Variants in NCMAP observed in about 807,000 individuals in gnomAD.
NCMAP encodes non-compact myelin associated protein.
In NCMAP, 8 loss-of-function variants were observed where a neutral mutation model predicts 7.8. The observed-to-expected ratio is 1.02, with a 90% confidence interval of 0.60 to 1.84. NCMAP has a LOEUF of 1.84. Ranked by LOEUF, NCMAP falls within the 40% of genes most tolerant of loss-of-function variation. The probability of loss-of-function intolerance (pLI) is 0.00; values close to 1 mark genes in which losing one functional copy is unlikely to be tolerated. For synonymous variants in NCMAP, 41 were observed against 52.9 expected (o/e 0.78, Z 0.98); for missense variants, 112 against 131.4 (o/e 0.85, Z 0.72).
At chr1:24,577,181 A>C (rs1651586985) in intron 1 of NCMAP, among the ~76,000 whole-genome samples, 1 of 152,150 alleles carries the variant, frequency 6.6e-6, no homozygotes, top group Non-Finnish European at 1.5e-5. Flanking sequence ...AGGATGTCAC[A>C]TGCTAAAATT....
chr1:24,585,305 A>G (rs1651851326), intron 1 of NCMAP, among the ~76,000 whole-genome samples: 1 of 152,124 alleles, frequency 6.6e-6, no homozygotes, highest in African/African-American at 2.4e-5. Flanking sequence ...TTGGAAGTTC[A>G]TTCCCGGGTT....
chr1:24,605,994 G>C lies in NCMAP; in HGVS notation c.*247G>C. The C allele has an allele frequency of 2.1e-6, 1 of 485,064 alleles. No individual in the cohort carries two copies. Among genetic ancestry groups the C allele is most frequent in the South Asian group, 2.9e-5 (1 of 34,434 alleles). 30.0% of individuals were successfully genotyped at this position (485,064 alleles called of 1,614,324 possible). A position where few individuals can be genotyped will look rare whatever the true frequency, so the allele number is the denominator to read the frequency against. ...GAACATTCTTTTGTCATCTGATGAGGTAGAGCTATGTTGGGAATCCACCAA... is the reference window on the plus strand; with the variant it reads ...GAACATTCTTTTGTCATCTGATGAGCTAGAGCTATGTTGGGAATCCACCAA... On this transcript the variant is annotated 3_prime_UTR_variant, in exon 4 of 4. Coordinates refer to ENST00000374392, the MANE Select transcript of NCMAP (RefSeq NM_001010980.5).
chr1:24,581,396 C>A (rs1258391445), intron 1 of NCMAP, among the ~76,000 whole-genome samples: 2 of 152,350 alleles, frequency 1.3e-5, no homozygotes, highest in East Asian at 3.9e-4. Flanking sequence ...GGATTACAGG[C>A]ATGAGCCACT....
intron 3 of NCMAP, among the ~76,000 whole-genome samples, chr1:24,604,590 AAAAAAAAAAAAAAAAATATAT>A (rs1652624212): frequency 6.5e-5 from 4 of 61,476 alleles, no homozygotes; most frequent in African/African-American, 2.0e-4. Context: ...AAAAAAAAAA[AAAAAAAAAAAAAAAAATATAT>A]ATATATATAT....
At chr1:24,591,653 A>G (rs1652052315) in intron 1 of NCMAP, among the ~76,000 whole-genome samples, 1 of 152,174 alleles carries the variant, frequency 6.6e-6, no homozygotes, top group Non-Finnish European at 1.5e-5. Context: ...GTTGGGAGAC[A>G]GGAAGCCCAG....
intron 1 of NCMAP, among the ~76,000 whole-genome samples, chr1:24,564,128 G>A (rs1402315879): frequency 6.6e-6 from 1 of 152,148 alleles, no homozygotes; most frequent in Admixed American, 6.6e-5. Context: ...GGATACAACT[G>A]AAGAATTTGC....
chr1:24,578,163 G>T (rs895655857), intron 1 of NCMAP, among the ~76,000 whole-genome samples: 1 of 150,864 alleles, frequency 6.6e-6, no homozygotes, highest in East Asian at 2.0e-4. Context: ...TACTCAGGAG[G>T]CTGAGGCACG....
At position 24,576,810 on chromosome 1, in the gene NCMAP, T is replaced by C. The variant is rs558283898; in HGVS notation, c.-7-18614T>C. Among the ~76,000 whole-genome samples the C allele has an allele frequency of 2.6e-5, 4 of 152,224 alleles. No homozygotes were observed. The highest frequency in any genetic ancestry group is 3.4e-3 in the Middle Eastern group (1 of 294). ...TAAGTAGGTGAGGTAGTGAGCCCCA[T>C]AGACCAAGACCTTGGGACTCAAAGA... On this transcript the variant is annotated intron_variant, in intron 1 of 3. Coordinates refer to ENST00000374392, the MANE Select transcript of NCMAP (RefSeq NM_001010980.5). The surrounding 1 kb of genome is among the most constrained non-coding windows in gnomAD (Gnocchi z 4.0).
intron 1 of NCMAP, among the ~76,000 whole-genome samples, chr1:24,567,827 G>T (rs978201690): frequency 1.3e-5 from 2 of 152,196 alleles, no homozygotes; most frequent in African/African-American, 2.4e-5. Flanking sequence ...GTCTCAAGGA[G>T]CCAGGGTGTG....
chr1:24,595,680 T>C (rs1441693230), intron 2 of NCMAP, among the ~76,000 whole-genome samples, 168 bp downstream of exon 2: 2 of 152,108 alleles, frequency 1.3e-5, no homozygotes, highest in Non-Finnish European at 2.9e-5. Context: ...AATGGACATA[T>C]GCCTCGGTGG....
Position 24,599,834 on chromosome 1 carries a change from C to A in NCMAP, c.83-1106C>A, listed in dbSNP as rs796282667. On this transcript the variant is annotated intron_variant, in intron 2 of 3. Transcript: ENST00000374392. The stretch of plus-strand genomic sequence containing the variant: ...CTCGTGATCCGCCCCCCCCCCCCCC[C>A]CCCCCTTGGCCTCCCAAAGTGCTGG... Among the ~76,000 whole-genome samples the A allele has an allele frequency of 2.3e-4, 16 of 69,410 alleles. 4 individuals carry two copies. Among genetic ancestry groups the A allele is most frequent in the Admixed American group, 6.6e-4 (4 of 6,076 alleles). 45.5% of individuals were successfully genotyped at this position (69,410 alleles called of 152,430 possible).
chr1:24,584,932 G>A (rs1651838957), intron 1 of NCMAP, among the ~76,000 whole-genome samples: 1 of 143,130 alleles, frequency 7.0e-6, no homozygotes, highest in South Asian at 2.2e-4. Flanking sequence ...CAGATGGACA[G>A]AAGAACGGGT....
At chr1:24,563,173 G>A (rs1214900300) in intron 1 of NCMAP, among the ~76,000 whole-genome samples, 2 of 152,234 alleles carry the variant, frequency 1.3e-5, no homozygotes, top group Admixed American at 6.5e-5. Context: ...AGAACAAAAA[G>A]TCACAGGCAC....
intron 3 of NCMAP, among the ~76,000 whole-genome samples, chr1:24,603,338 T>TGTA (rs1309249661): frequency 2.0e-5 from 3 of 149,072 alleles, no homozygotes; most frequent in Admixed American, 1.3e-4. Context: ...CACAATTACA[T>TGTA]GTAATAATAA....
In NCMAP at chr1:24,595,424, G is replaced by C; in HGVS notation, c.-7G>C. On this transcript the variant is annotated splice_region_variant and 5_prime_UTR_variant, in exon 2 of 4. Coordinates refer to ENST00000374392, the MANE Select transcript of NCMAP (RefSeq NM_001010980.5). ...AAAATATCTTCTTCTTTCTCATCAG[G>C]ATCGAGATGACCACAGCCACCCCTC... 1 of 1,605,172 alleles carries C rather than the reference G, an allele frequency of 6.2e-7. No individual in the cohort carries two copies. The highest frequency in any genetic ancestry group is 8.5e-7 in the Non-Finnish European group (1 of 1,172,142).
chr1:24,593,045 G>T (rs1019774432), intron 1 of NCMAP, among the ~76,000 whole-genome samples: 2 of 152,052 alleles, frequency 1.3e-5, no homozygotes, highest in Non-Finnish European at 2.9e-5. Context: ...GGATGTGGTC[G>T]TGGGCCCTTG....
At chr1:24,598,619 T>G (rs891947316) in intron 2 of NCMAP, among the ~76,000 whole-genome samples, 1 of 151,440 alleles carries the variant, frequency 6.6e-6, no homozygotes, top group Non-Finnish European at 1.5e-5. Flanking sequence ...CTATTTTCTT[T>G]TCTTTTCTTT....
At chr1:24,603,560 C>T (rs867935632) in intron 3 of NCMAP, among the ~76,000 whole-genome samples, 2 of 152,058 alleles carry the variant, frequency 1.3e-5, no homozygotes, top group East Asian at 3.9e-4. Flanking sequence ...AAGTGAGAAA[C>T]CTGGGTTCAG....
At chr1:24,595,991 A>G (rs1652212575) in intron 2 of NCMAP, among the ~76,000 whole-genome samples, 1 of 152,166 alleles carries the variant, frequency 6.6e-6, no homozygotes, top group Middle Eastern at 3.4e-3. Context: ...GATTATTTTT[A>G]TTACTATTGG....
Sources: allele counts gnomAD v4.1 joint callset (sites outside exome capture counted in the v4.1 genomes callset), GRCh38; gene constraint gnomAD v4.1.1; non-coding constraint Gnocchi (gnomAD v3.1); transcripts MANE v1.5; gene names NCBI Gene and HGNC (gene_info 2026-07-23, HGNC 2026-07-21).